HIVEP1: variants seen among roughly 807,000 people sequenced by gnomAD.
HIVEP1 encodes HIVEP zinc finger 1, also known as zinc finger protein 40.
A neutral mutation model predicts 180.0 loss-of-function variants in HIVEP1; 36 were observed. That is an observed-to-expected ratio of 0.20 (90% CI 0.15 to 0.26). HIVEP1 has a LOEUF of 0.26. HIVEP1 is among the 10% of genes least tolerant of loss of function. HIVEP1 has a pLI of 1.00. For missense variants in HIVEP1, 3,143 were observed against 3,268.7 expected (o/e 0.96, Z 0.94); for synonymous variants, 1,239 against 1,239.0 (o/e 1.00, Z 0.00).
intron 3 of HIVEP1, among the ~76,000 whole-genome samples, chr6:12,092,110 A>G (rs911137505): frequency 3.3e-5 from 5 of 152,174 alleles, no homozygotes; most frequent in African/African-American, 1.2e-4. Flanking sequence ...CTCACACCCA[A>G]TTTAAGAACG....
the HIVEP1 span, among the ~76,000 whole-genome samples, chr6:12,173,823 A>G: frequency 1.3e-5 from 2 of 152,222 alleles, no homozygotes; most frequent in African/African-American, 2.4e-5. Flanking sequence ...AAACCATGAT[A>G]GGTGAAAGAC....
the HIVEP1 span, among the ~76,000 whole-genome samples, chr6:12,193,738 C>G: frequency 6.6e-6 from 1 of 152,166 alleles, no homozygotes; most frequent in Non-Finnish European, 1.5e-5. Context: ...TGACCCCCTA[C>G]TACGGTGCTA....
chr6:12,083,372 A>G (rs960321776), intron 2 of HIVEP1, among the ~76,000 whole-genome samples: 2 of 152,206 alleles, frequency 1.3e-5, no homozygotes, highest in Admixed American at 6.5e-5. Flanking sequence ...CCAAGTTATT[A>G]TTAACAAAAA....
At chr6:12,135,408 AT>A (rs1758647937) in intron 6 of HIVEP1, among the ~76,000 whole-genome samples, 1 of 152,236 alleles carries the variant, frequency 6.6e-6, no homozygotes, top group South Asian at 2.1e-4. Flanking sequence ...AAAGAAACAA[AT>A]GAGAAAGAGC....
intron 4 of HIVEP1, among the ~76,000 whole-genome samples, chr6:12,128,609 C>G (rs1036710615): frequency 3.9e-5 from 6 of 152,134 alleles, no homozygotes; most frequent in African/African-American, 1.4e-4. Context: ...AGCGTCCTTC[C>G]TCACTGGGAT....
At chr6:12,013,136 G>A (rs1767492637) in intron 1 of HIVEP1, among the ~76,000 whole-genome samples, 1 of 152,106 alleles carries the variant, frequency 6.6e-6, no homozygotes, top group Non-Finnish European at 1.5e-5. Context: ...TGCCGCGCTC[G>A]CCTCATCTCG....
At chr6:12,099,888 G>A (rs1036407470) in intron 3 of HIVEP1, among the ~76,000 whole-genome samples, 1 of 152,144 alleles carries the variant, frequency 6.6e-6, no homozygotes, top group East Asian at 1.9e-4. Context: ...TGTTTCTTTT[G>A]TCATATTAAA....
Position 12,122,409 on chromosome 6 carries a change from G to C in HIVEP1, c.2614G>C (p.Gly872Arg). Reference protein sequence around the residue: ...RGSQSFDDKIGAFYDDVFVSG... With the variant: ...RGSQSFDDKIRAFYDDVFVSG... ...AAGTCAGTCATTTGATGACAAAATT[G>C]GCGCTTTCTATGATGATGTCTTTGT... Residue 872 changes from glycine to arginine, a missense_variant, in exon 4 of 9, where the codon GGC becomes CGC. Physicochemically the swap from Gly to Arg is moderately radical, Grantham distance 125 (BLOSUM62 -2). Transcript: ENST00000379388. 6.2e-7 allele frequency: 1 copy of C among 1,614,182 alleles called. No individual in the cohort carries two copies. The highest frequency in any genetic ancestry group is 8.5e-7 in the Non-Finnish European group (1 of 1,180,000).
At chr6:12,131,754 C>T (rs889620588) in intron 6 of HIVEP1, among the ~76,000 whole-genome samples, 13 of 70,894 alleles carry the variant, frequency 1.8e-4, no homozygotes, top group Middle Eastern at 8.2e-3. Context: ...GCAAGGTAAT[C>T]GTGAAAACAT....
chr6:12,065,934 T>G (rs1771547188), intron 2 of HIVEP1, among the ~76,000 whole-genome samples: 1 of 152,150 alleles, frequency 6.6e-6, no homozygotes, highest in South Asian at 2.1e-4. Flanking sequence ...AAGCTGTTAC[T>G]GTTGGATATC....
At chr6:12,011,351 G>A (rs1234529298), upstream of HIVEP1, among the ~76,000 whole-genome samples, 1 of 134,614 alleles carries the variant, frequency 7.4e-6, no homozygotes, top group Non-Finnish European at 1.5e-5. Context: ...GTCAGCGGCC[G>A]GCCCACATCC....
chr6:12,069,374 G>C (rs955440188), intron 2 of HIVEP1, among the ~76,000 whole-genome samples: 1 of 152,164 alleles, frequency 6.6e-6, no homozygotes, highest in Non-Finnish European at 1.5e-5. Context: ...GGTTGAGTCA[G>C]TGAGTGGGTG....
In HIVEP1 at chr6:12,164,299, G is replaced by A. The variant is rs767399143; in HGVS notation, c.7995G>A (p.Leu2665=). ...CAGCGTCCACGTCACAACCTCTGCT[G>A]AAGGCACATTCTGAAGTTTTTACAA... ...GQPASTSQPL[L]KAHSEVFTKP... The change falls in exon 9 of 9, where the codon CTG becomes CTA. Residue 2665 remains leucine, a synonymous_variant. Coordinates refer to ENST00000379388, the MANE Select transcript of HIVEP1 (RefSeq NM_002114.4). 1.9e-5 allele frequency: 31 copies of A among 1,614,036 alleles called. No individual in the cohort carries two copies. Among genetic ancestry groups the A allele is most frequent in the Admixed American group, 1.0e-4 (6 of 60,030 alleles).
chr6:12,207,766 T>TAATAATAATAATAATAATAA, the HIVEP1 span, among the ~76,000 whole-genome samples: 16 of 149,648 alleles, frequency 1.1e-4, no homozygotes, highest in South Asian at 4.2e-4. Context: ...ATAATAATAA[T>TAATAATAATAATAATAATAA]TAGCCAGGTG....
the HIVEP1 span, among the ~76,000 whole-genome samples, chr6:12,183,280 A>G: frequency 1.3e-5 from 2 of 152,316 alleles, no homozygotes; most frequent in African/African-American, 4.8e-5. Flanking sequence ...CTGGTCTAAC[A>G]TCCTCTGTAG....
chr6:12,192,331 T>A, the HIVEP1 span, among the ~76,000 whole-genome samples: 1 of 152,234 alleles, frequency 6.6e-6, no homozygotes, highest in Non-Finnish European at 1.5e-5. Context: ...TATTTGTACA[T>A]ATTTATGCAG....
At chr6:12,169,950 C>T (rs1760854147), downstream of HIVEP1, among the ~76,000 whole-genome samples, 1 of 151,984 alleles carries the variant, frequency 6.6e-6, no homozygotes, top group South Asian at 2.1e-4. Context: ...GAAACCCTGT[C>T]TCTACTACAA....
intron 3 of HIVEP1, among the ~76,000 whole-genome samples, chr6:12,093,796 T>C (rs1773629417): frequency 1.3e-5 from 2 of 152,098 alleles, no homozygotes; most frequent in Admixed American, 6.6e-5. Context: ...TGTCTTGATA[T>C]ATACAGTGTG....
At chr6:12,146,738 G>T (rs1029312765) in intron 7 of HIVEP1, among the ~76,000 whole-genome samples, 16 of 151,906 alleles carry the variant, frequency 1.1e-4, no homozygotes, top group Non-Finnish European at 2.4e-4. Flanking sequence ...TTTTTTAATA[G>T]CTCCAGAGGA....
Sources: gnomAD v4.1 joint callset for allele counts (sites outside exome capture counted in the v4.1 genomes callset) on GRCh38, gnomAD v4.1.1 for gene constraint, MANE v1.5 for transcripts, NCBI Gene and HGNC (gene_info 2026-07-23, HGNC 2026-07-21) for gene names.